SMPDL3B: variants seen among roughly 807,000 people sequenced by gnomAD.
SMPDL3B encodes the protein sphingomyelin phosphodiesterase acid like 3B.
In SMPDL3B, 31 loss-of-function variants were observed where a neutral mutation model predicts 37.9. The observed-to-expected ratio is 0.82, with a 90% CI of 0.61 to 1.10. The LOEUF is 1.10. Ranked by LOEUF, SMPDL3B falls within the 50% of genes least tolerant of loss-of-function variation. The pLI is 0.00. For synonymous variants in SMPDL3B, 235 were observed against 242.6 expected, an observed-to-expected ratio of 0.97 and a Z score of 0.29; for missense variants, 525 against 597.8, an observed-to-expected ratio of 0.88 and a Z score of 1.27.
At chr1:27,942,233 G>T (rs1305487619) in intron 1 of SMPDL3B, 1 of 460,840 alleles carries the variant, frequency 2.2e-6, no homozygotes. Flanking sequence ...CTGAGAAAGA[G>T]CCAGCTTGAG....
At chr1:27,957,391 T>C (rs563174031) in intron 7 of SMPDL3B, among the ~76,000 whole-genome samples, 1 of 152,206 alleles carries the variant, frequency 6.6e-6, no homozygotes, top group East Asian at 1.9e-4. Context: ...AACGGTAGGC[T>C]GTGGCTGCCG....
At chr1:27,953,571 C>T (rs1165373888) in intron 4 of SMPDL3B, among the ~76,000 whole-genome samples, 2 of 152,176 alleles carry the variant, frequency 1.3e-5, no homozygotes, top group African/African-American at 4.8e-5. Flanking sequence ...ACTGATGATG[C>T]TCCTAAGTTC....
Position 27,958,396 on chromosome 1 carries a change from T to C in SMPDL3B, c.1006-80T>C, listed in dbSNP as rs900718790. The C allele has an allele frequency of 2.0e-6, 3 of 1,518,762 alleles. No homozygotes were observed. The highest frequency in any genetic ancestry group is 2.0e-5 in the Admixed American group (1 of 49,204). 94.1% of individuals were successfully genotyped at this position (1,518,762 alleles called of 1,614,324 possible). ...GTCATGGTCACTGCTCTAAAGAACTTGGGGGCAAATGCAAGGTGCAGGATG... is the reference window on the plus strand; with the variant it reads ...GTCATGGTCACTGCTCTAAAGAACTCGGGGGCAAATGCAAGGTGCAGGATG... On this transcript the variant is annotated intron_variant, in intron 7 of 7. Transcript: ENST00000373894. The surrounding 1 kb of genome is among the most constrained non-coding windows in gnomAD (Gnocchi z 5.6).
intron 3 of SMPDL3B, among the ~76,000 whole-genome samples, chr1:27,950,375 G>A (rs888225413): frequency 6.6e-6 from 1 of 152,218 alleles, no homozygotes; most frequent in Non-Finnish European, 1.5e-5. Context: ...CTCAAACTCA[G>A]ATCCAACTGG....
At chr1:27,946,047 T>C (rs1345947518) in intron 2 of SMPDL3B, among the ~76,000 whole-genome samples, 1 of 152,114 alleles carries the variant, frequency 6.6e-6, no homozygotes, top group African/African-American at 2.4e-5. Flanking sequence ...ACTTGCCTCC[T>C]TATCATTCAA....
In SMPDL3B at chr1:27,945,688, G is replaced by C. The variant is rs1463742062; in HGVS notation, c.275+243G>C. ...GTGGCAGAACGCAGCTCTCAATCAGGCTTTTGGACGTGGTCCTGGCATGCC... is the reference window on the plus strand; with the variant it reads ...GTGGCAGAACGCAGCTCTCAATCAGCCTTTTGGACGTGGTCCTGGCATGCC... On this transcript the variant is annotated intron_variant, in intron 2 of 7. Transcript: ENST00000373894. This position sits in a 1 kb window ranked among gnomAD's most constrained non-coding sequence, Gnocchi z 4.0. Among the ~76,000 whole-genome samples the C allele has an allele frequency of 1.3e-5, 2 of 152,180 alleles. No homozygotes were observed. Among genetic ancestry groups the C allele is most frequent in the Non-Finnish European group, 2.9e-5 (2 of 68,042 alleles).
At chr1:27,935,296 G>A in intron 1 of SMPDL3B, 52 bp downstream of exon 1, 1 of 1,408,566 alleles carries the variant, frequency 7.1e-7, no homozygotes, top group Non-Finnish European at 1.0e-6. Flanking sequence ...GTGAACTCTG[G>A]GGCTGCGGGA....
At chr1:27,954,622 A>T (rs1211582772) in intron 5 of SMPDL3B, 96 bp downstream of exon 5, 3 of 1,208,238 alleles carry the variant, frequency 2.5e-6, no homozygotes, top group Non-Finnish European at 3.6e-6. Context: ...AAAGATGCCC[A>T]TATCCCAGAG....
chr1:27,953,045 A>G (rs1349284489), intron 3 of SMPDL3B, among the ~76,000 whole-genome samples, 170 bp from the exon 4 acceptor site: 1 of 152,152 alleles, frequency 6.6e-6, no homozygotes, highest in Non-Finnish European at 1.5e-5. Flanking sequence ...CCAAAGTCTA[A>G]GCAAAGTTCA....
At chr1:27,949,438 G>A (rs1488613467) in intron 3 of SMPDL3B, among the ~76,000 whole-genome samples, 2 of 152,198 alleles carry the variant, frequency 1.3e-5, no homozygotes, top group Non-Finnish European at 2.9e-5. Flanking sequence ...AGACTCATGA[G>A]CCCTTCTCCA....
chr1:27,947,522 G>A (rs1418817423), intron 2 of SMPDL3B, among the ~76,000 whole-genome samples: 1 of 147,530 alleles, frequency 6.8e-6, no homozygotes, highest in Non-Finnish European at 1.5e-5. Context: ...GGAGGCTGAG[G>A]CAGGAGAATC....
chr1:27,943,589 A>C (rs1471992431), intron 1 of SMPDL3B, among the ~76,000 whole-genome samples: 2 of 152,074 alleles, frequency 1.3e-5, no homozygotes, highest in African/African-American at 4.8e-5. Context: ...ATGGGGGAGG[A>C]AGTGATTGCA....
At chr1:27,938,905 G>T (rs2090330605) in intron 1 of SMPDL3B, 1 of 152,198 alleles carries the variant, frequency 6.6e-6, no homozygotes, top group South Asian at 2.1e-4. Flanking sequence ...ATGCATTTTT[G>T]ACTTATGATA....
Position 27,935,121 on chromosome 1 carries a change from C to A in SMPDL3B, c.-63C>A. ...TGGCCACAGAAAACTACTTAGGAAGCCTGTGGTGAGAACAACAACAGTGCC... is the reference window on the plus strand; with the variant it reads ...TGGCCACAGAAAACTACTTAGGAAGACTGTGGTGAGAACAACAACAGTGCC... On this transcript the variant is annotated 5_prime_UTR_variant, in exon 1 of 8. Coordinates refer to ENST00000373894, the MANE Select transcript of SMPDL3B (RefSeq NM_014474.4). 1.5e-6 allele frequency: 2 copies of A among 1,315,580 alleles called. No homozygotes were observed. Among genetic ancestry groups the A allele is most frequent in the South Asian group, 1.2e-5 (1 of 83,688 alleles). 81.5% of individuals were successfully genotyped at this position (1,315,580 alleles called of 1,614,324 possible).
At chr1:27,951,690 TA>T (rs927008133) in intron 3 of SMPDL3B, among the ~76,000 whole-genome samples, 2 of 151,532 alleles carry the variant, frequency 1.3e-5, no homozygotes, top group Admixed American at 6.6e-5. Flanking sequence ...CTACAAAAAA[TA>T]AAAAAAAATT....
intron 3 of SMPDL3B, among the ~76,000 whole-genome samples, chr1:27,952,181 T>C (rs1402716687): frequency 6.7e-6 from 1 of 149,540 alleles, no homozygotes; most frequent in Non-Finnish European, 1.5e-5. Context: ...TTTTTTTTTC[T>C]TAAATGGATT....
In SMPDL3B at chr1:27,958,026, G is replaced by A. The variant is rs1041928702; in HGVS notation, c.1006-450G>A. Among the ~76,000 whole-genome samples, 1 of 152,164 alleles carries A rather than the reference G, an allele frequency of 6.6e-6. No homozygotes were observed. The highest frequency in any genetic ancestry group is 2.4e-5 in the African/African-American group (1 of 41,430). On this transcript the variant is annotated intron_variant, in intron 7 of 7. Transcript: ENST00000373894. The surrounding 1 kb of genome is among the most constrained non-coding windows in gnomAD (Gnocchi z 5.6). ...CTGATGAACCCTGCAGAGTCTAGCCGTGAACATGCACCTGGGTCCTAGGAG... is the reference window on the plus strand; with the variant it reads ...CTGATGAACCCTGCAGAGTCTAGCCATGAACATGCACCTGGGTCCTAGGAG...
intron 2 of SMPDL3B, among the ~76,000 whole-genome samples, chr1:27,947,097 C>T (rs930261397): frequency 2.0e-5 from 3 of 149,830 alleles, no homozygotes; most frequent in Non-Finnish European, 4.4e-5. Context: ...AGTGCAATGG[C>T]GTGATCTTGG....
chr1:27,938,732 C>T (rs1450995037), intron 1 of SMPDL3B: 1 of 152,206 alleles, frequency 6.6e-6, no homozygotes, highest in East Asian at 1.9e-4. Flanking sequence ...GTTTCACTTT[C>T]AATTCAGTAT....
Sources: gnomAD v4.1 joint callset for allele counts (sites outside exome capture counted in the v4.1 genomes callset) on GRCh38, gnomAD v4.1.1 for gene constraint, Gnocchi (gnomAD v3.1) non-coding constraint, MANE v1.5 for transcripts, NCBI Gene and HGNC (gene_info 2026-07-23, HGNC 2026-07-21) for gene names.